The following CATSPERE variants were observed in gnomAD, a reference collection of about 807,000 sequenced individuals.
CATSPERE encodes the protein cation channel sperm-associated auxiliary subunit epsilon.
CATSPERE carries 93 observed loss-of-function variants against 114.1 expected under a neutral mutation model. The observed-to-expected ratio is 0.81, with a 90% CI of 0.69 to 0.97. The LOEUF (loss-of-function observed/expected upper bound fraction) is 0.97. Ranked by LOEUF, CATSPERE falls within the 50% of genes least tolerant of loss-of-function variation. CATSPERE has a pLI of 0.00. For synonymous variants in CATSPERE, 341 were observed against 384.1 expected, an observed-to-expected ratio of 0.89 and a Z score of 1.31; for missense variants, 1,058 against 1,131.6, an observed-to-expected ratio of 0.93 and a Z score of 0.93.
intron 7 of CATSPERE, among the ~76,000 whole-genome samples, chr1:244,509,343 T>A (rs940239761): frequency 2.0e-5 from 3 of 152,122 alleles, no homozygotes; most frequent in Non-Finnish European, 2.9e-5. Flanking sequence ...ATCATATGGT[T>A]TTTGTTCTTC....
At chr1:244,456,587 C>T (rs1203023809), upstream of CATSPERE, among the ~76,000 whole-genome samples, 1 of 152,086 alleles carries the variant, frequency 6.6e-6, no homozygotes, top group African/African-American at 2.4e-5. Context: ...AATAAAATGT[C>T]ATGAAAATAC....
chr1:244,593,770 A>G (rs1668027694), intron 17 of CATSPERE, among the ~76,000 whole-genome samples, 192 bp downstream of exon 17: 1 of 152,154 alleles, frequency 6.6e-6, no homozygotes, highest in Non-Finnish European at 1.5e-5. Context: ...GGACATCACT[A>G]TTTGGCAGCC....
At chr1:244,638,311 T>C (rs1674897083) in intron 21 of CATSPERE, among the ~76,000 whole-genome samples, 1 of 152,218 alleles carries the variant, frequency 6.6e-6, no homozygotes, top group Non-Finnish European at 1.5e-5. Flanking sequence ...CCAGTCCTCA[T>C]CTTATTAGAT....
At position 244,489,777 on chromosome 1, in the gene CATSPERE, T is replaced by C. The variant is rs1671673122; in HGVS notation, c.327-670T>C. Among the ~76,000 whole-genome samples, 2 of 152,096 alleles carry C rather than the reference T, an allele frequency of 1.3e-5. 1 individual carries two copies. The highest frequency in any genetic ancestry group is 4.1e-4 in the South Asian group (2 of 4,824). On this transcript the variant is annotated intron_variant, in intron 5 of 21. Coordinates refer to ENST00000366534, the MANE Select transcript of CATSPERE (RefSeq NM_001130957.2). ...AAAACTTTAACTGCCATCTCCACTT[T>C]ACGCCTGAGTTGCTTTAAGATTAGC... is the stretch of plus-strand genomic sequence containing the variant.
At chr1:244,529,986 C>G (rs563282799) in intron 8 of CATSPERE, among the ~76,000 whole-genome samples, 2 of 152,166 alleles carry the variant, frequency 1.3e-5, no homozygotes, top group African/African-American at 4.8e-5. Context: ...TCACTCTTGT[C>G]ACCCAGGCTG....
intron 20 of CATSPERE, among the ~76,000 whole-genome samples, chr1:244,632,457 T>C (rs1166001526): frequency 6.7e-6 from 1 of 148,834 alleles, no homozygotes; most frequent in Non-Finnish European, 1.5e-5. Context: ...GTTTATAACA[T>C]GTAATAAAAG....
intron 7 of CATSPERE, 79 bp from the exon 8 acceptor site, chr1:244,518,513 A>G: frequency 1.1e-6 from 1 of 891,656 alleles, no homozygotes; most frequent in South Asian, 1.5e-5. Context: ...AAAATAACAA[A>G]TTCAATATAT....
chr1:244,638,058 C>A (rs1483956962), intron 21 of CATSPERE, among the ~76,000 whole-genome samples: 1 of 152,006 alleles, frequency 6.6e-6, no homozygotes, highest in Non-Finnish European at 1.5e-5. Flanking sequence ...TGAATTATTC[C>A]TTCTCTCTTC....
intron 7 of CATSPERE, among the ~76,000 whole-genome samples, chr1:244,512,983 A>G (rs1265481486): frequency 6.6e-6 from 1 of 152,170 alleles, no homozygotes; most frequent in African/African-American, 2.4e-5. Flanking sequence ...AGCTGGCTAA[A>G]CATCAGGTTC....
rs142280198 is a variant in CATSPERE at position 244,570,477 on chromosome 1, C to T, written c.1508-1853C>T. ...TTTTTGTAACTTTAGTCATCTCTTG[C>T]CTGCTTATTAAGTTAAATGGTTATT... On this transcript the variant is annotated intron_variant, in intron 10 of 21. Coordinates refer to ENST00000366534, the MANE Select transcript of CATSPERE (RefSeq NM_001130957.2). Among the ~76,000 whole-genome samples the T allele has an allele frequency of 8.1e-3, 1,232 of 152,050 alleles. 21 individuals carry two copies. The highest frequency in any genetic ancestry group is 0.028 in the African/African-American group (1,163 of 41,466).
At chr1:244,541,053 C>A (rs1658619662) in intron 8 of CATSPERE, among the ~76,000 whole-genome samples, 1 of 57,356 alleles carries the variant, frequency 1.7e-5, no homozygotes, top group Non-Finnish European at 3.7e-5. Flanking sequence ...CATAAAAACC[C>A]TGGAAGAAAA....
chr1:244,613,438 C>T (rs539604064), intron 19 of CATSPERE, among the ~76,000 whole-genome samples: 5 of 152,028 alleles, frequency 3.3e-5, no homozygotes, highest in Non-Finnish European at 5.9e-5. Flanking sequence ...CAGAGTTTAT[C>T]GAGACATATA....
intron 9 of CATSPERE, among the ~76,000 whole-genome samples, chr1:244,555,490 T>C (rs1345120599): frequency 6.6e-6 from 1 of 152,100 alleles, no homozygotes; most frequent in African/African-American, 2.4e-5. Flanking sequence ...TATATAAGTT[T>C]AAAGTTTAAA....
intron 20 of CATSPERE, among the ~76,000 whole-genome samples, chr1:244,625,420 A>ATTT (rs1673020439): frequency 2.2e-4 from 1 of 4,644 alleles, no homozygotes; most frequent in African/African-American, 4.6e-4. Flanking sequence ...ATATATATAT[A>ATTT]TATATATATA....
chr1:244,626,612 G>A (rs1398537560), intron 20 of CATSPERE, among the ~76,000 whole-genome samples: 1 of 151,886 alleles, frequency 6.6e-6, no homozygotes, highest in East Asian at 1.9e-4. Flanking sequence ...AGATCTTCTG[G>A]ATCAGTGGCT....
intron 7 of CATSPERE, 32 bp downstream of exon 7, chr1:244,499,111 G>T: frequency 6.7e-7 from 1 of 1,502,178 alleles, no homozygotes; most frequent in South Asian, 1.1e-5. Context: ...GTCATAGTAA[G>T]AACAGAATGC....
At chr1:244,452,573 C>T (rs1232866755), upstream of CATSPERE, among the ~76,000 whole-genome samples, 1 of 152,204 alleles carries the variant, frequency 6.6e-6, no homozygotes, top group Non-Finnish European at 1.5e-5. Context: ...CCTCATTTTA[C>T]ATAGTAGTAA....
chr1:244,554,828 A>C (rs552293619), intron 9 of CATSPERE, among the ~76,000 whole-genome samples: 1 of 152,268 alleles, frequency 6.6e-6, no homozygotes. Flanking sequence ...AACACAACAC[A>C]AAAAAAGAAA....
chr1:244,561,434 G>A (rs1465254905), intron 10 of CATSPERE, among the ~76,000 whole-genome samples: 2 of 151,808 alleles, frequency 1.3e-5, no homozygotes, highest in Admixed American at 1.3e-4. Flanking sequence ...GGTGTAGGAG[G>A]TGCTGTGGTA....
Sources: gnomAD v4.1 joint callset for allele counts (sites outside exome capture counted in the v4.1 genomes callset) on GRCh38, gnomAD v4.1.1 for gene constraint, MANE v1.5 for transcripts, NCBI Gene and HGNC (gene_info 2026-07-23, HGNC 2026-07-21) for gene names.